Variants in FBXO11 observed in about 807,000 individuals in gnomAD.
FBXO11 encodes the protein F-box only protein 11.
In FBXO11, 13 loss-of-function variants were observed where a neutral mutation model predicts 117.0. That is an observed-to-expected ratio of 0.11 (90% CI 0.07 to 0.18). The LOEUF is 0.18. Ranked by LOEUF, FBXO11 falls within the 10% of genes least tolerant of loss-of-function variation. The pLI is 1.00. For missense variants in FBXO11, 767 were observed against 1,164.4 expected (o/e 0.66, Z 4.97); for synonymous variants, 490 against 380.5 (o/e 1.29, Z -3.35).
chr2:47,897,381 T>C (rs1197308167), intron 1 of FBXO11, among the ~76,000 whole-genome samples: 1 of 152,126 alleles, frequency 6.6e-6, no homozygotes, highest in Non-Finnish European at 1.5e-5. Flanking sequence ...ACCCACACAG[T>C]GGCCAGTTAA....
At chr2:47,815,600 T>C (rs1034744051) in intron 16 of FBXO11, among the ~76,000 whole-genome samples, 8 of 152,186 alleles carry the variant, frequency 5.3e-5, no homozygotes, top group Admixed American at 1.3e-4. Flanking sequence ...CTTGCAGATT[T>C]CACAGGTAAC....
chr2:47,810,259 C>T (rs1047212959), intron 19 of FBXO11, 57 bp downstream of exon 19: 3 of 1,161,442 alleles, frequency 2.6e-6, no homozygotes, highest in South Asian at 1.4e-5. Context: ...ATATACTCCA[C>T]ATCAAACACT....
At chr2:47,855,504 A>G (rs574106649) in intron 1 of FBXO11, among the ~76,000 whole-genome samples, 27 of 152,348 alleles carry the variant, frequency 1.8e-4, no homozygotes, top group South Asian at 1.7e-3. Context: ...ATCAGTGTAC[A>G]TAAGAAATTT....
rs550952842 is a variant in FBXO11 at position 47,857,908 on chromosome 2, C to T, written c.233-18139G>A. ...GCAGACGCAGCAGACTTTTAAAAAT[C>T]GCCATTATTTTGTCCTTTATATGGG... On this transcript the variant is annotated intron_variant, in intron 1 of 22. Coordinates refer to ENST00000403359, the MANE Select transcript of FBXO11 (RefSeq NM_001190274.2). Among the ~76,000 whole-genome samples, 9 of 152,146 alleles carry T rather than the reference C, an allele frequency of 5.9e-5. No individual in the cohort carries two copies. In the South Asian group the frequency reaches 8.3e-4, roughly 14 times the overall value.
At chr2:47,901,133 A>ATACATATATATG (rs1558488458) in intron 1 of FBXO11, among the ~76,000 whole-genome samples, 10 of 111,510 alleles carry the variant, frequency 9.0e-5, no homozygotes, top group Non-Finnish European at 1.3e-4. Context: ...GTGTACATGT[A>ATACATATATATG]TATATATACA....
chr2:47,825,992 G>A (rs1321845517), intron 11 of FBXO11, among the ~76,000 whole-genome samples: 1 of 152,112 alleles, frequency 6.6e-6, no homozygotes, highest in Admixed American at 6.5e-5. Context: ...TCAAATGCAA[G>A]GGATAATCTT....
chr2:47,897,982 A>G (rs1677803685), intron 1 of FBXO11, among the ~76,000 whole-genome samples: 1 of 152,204 alleles, frequency 6.6e-6, no homozygotes, highest in Non-Finnish European at 1.5e-5. Context: ...AATATTCCTT[A>G]ATGTTTTTTA....
intron 1 of FBXO11, among the ~76,000 whole-genome samples, chr2:47,886,926 C>G (rs545449274): frequency 1.3e-4 from 20 of 152,244 alleles, no homozygotes; most frequent in African/African-American, 4.8e-4. Flanking sequence ...GTGGTTCCAG[C>G]TAATCGAGAG....
intron 5 of FBXO11, 76 bp from the exon 6 acceptor site, chr2:47,834,947 GA>G: frequency 2.0e-6 from 2 of 993,564 alleles, no homozygotes; most frequent in Non-Finnish European, 3.0e-6. Flanking sequence ...ACAATTGCAT[GA>G]ACAACTTTTA....
chr2:47,887,371 G>C (rs1215236216), intron 1 of FBXO11, among the ~76,000 whole-genome samples: 4 of 148,454 alleles, frequency 2.7e-5, no homozygotes, highest in Non-Finnish European at 4.5e-5. Context: ...CAACACAAAA[G>C]AACAGTTAAG....
At chr2:47,890,293 G>A (rs1677163205) in intron 1 of FBXO11, among the ~76,000 whole-genome samples, 1 of 152,056 alleles carries the variant, frequency 6.6e-6, no homozygotes, top group East Asian at 1.9e-4. Context: ...CTGACTTCCT[G>A]ATTATCAGTC....
chr2:47,836,164 G>C (rs1461169409), intron 4 of FBXO11, among the ~76,000 whole-genome samples, 163 bp from the exon 5 acceptor site: 1 of 151,784 alleles, frequency 6.6e-6, no homozygotes, highest in African/African-American at 2.4e-5. Context: ...TTGAGACACA[G>C]TCTCACTGTC....
rs373775346 is a variant in FBXO11 at position 47,813,453 on chromosome 2, CAG to C, written c.2084-78_2084-77del. 71 of 278,424 alleles carry C rather than the reference CAG, an allele frequency of 2.6e-4. No individual in the cohort carries two copies. In the African/African-American group the frequency reaches 0.015, roughly 60 times the overall value. The allele number at this position is 278,424 out of a possible 1,614,324, so 17.2% of individuals were successfully genotyped here. Reference sequence around the variant, plus strand: ...TTTTTTTTTTTTTTTTTTTTTGAGACAGAGTCTCGCTCTGTTGCCAGGCTGGA... The same window carrying C: ...TTTTTTTTTTTTTTTTTTTTTGAGACAGTCTCGCTCTGTTGCCAGGCTGGA... On this transcript the variant is annotated intron_variant, in intron 17 of 22. Coordinates refer to ENST00000403359, the MANE Select transcript of FBXO11 (RefSeq NM_001190274.2).
intron 11 of FBXO11, among the ~76,000 whole-genome samples, chr2:47,827,553 C>T (rs931439829): frequency 5.3e-5 from 8 of 152,088 alleles, no homozygotes; most frequent in Admixed American, 1.3e-4. Context: ...GTGATCTGCT[C>T]GCCTCGGCTT....
intron 1 of FBXO11, among the ~76,000 whole-genome samples, chr2:47,856,968 T>C (rs1487166157): frequency 1.3e-5 from 2 of 152,226 alleles, no homozygotes; most frequent in Non-Finnish European, 2.9e-5. Flanking sequence ...AAGAATGTTG[T>C]ATGTAGACCA....
chr2:47,888,883 A>G (rs1284895137), intron 1 of FBXO11, among the ~76,000 whole-genome samples: 1 of 152,202 alleles, frequency 6.6e-6, no homozygotes, highest in African/African-American at 2.4e-5. Context: ...TTTTTTAAAA[A>G]CAGGTTATTC....
intron 1 of FBXO11, chr2:47,888,731 T>C (rs1003252704): frequency 2.2e-6 from 2 of 892,302 alleles, no homozygotes; most frequent in South Asian, 1.0e-4. Context: ...CAGTATCATG[T>C]GTTTATACAC....
intron 1 of FBXO11, among the ~76,000 whole-genome samples, chr2:47,904,043 A>C (rs1490328533): frequency 6.6e-6 from 1 of 152,254 alleles, no homozygotes; most frequent in Non-Finnish European, 1.5e-5. Context: ...ACTACCTTTA[A>C]CAGTGACTGG....
At chr2:47,809,521 A>T in intron 20 of FBXO11, 79 bp downstream of exon 20, 2 of 1,017,830 alleles carry the variant, frequency 2.0e-6, no homozygotes, top group Non-Finnish European at 3.0e-6. Flanking sequence ...TGACATAAGG[A>T]ATCAAGTTAT....
Sources: allele counts gnomAD v4.1 joint callset (sites outside exome capture counted in the v4.1 genomes callset), GRCh38; gene constraint gnomAD v4.1.1; transcripts MANE v1.5; gene names NCBI Gene and HGNC (gene_info 2026-07-23, HGNC 2026-07-21).